Variants in RBFOX1 observed in about 807,000 individuals in gnomAD.
RBFOX1 encodes the protein RNA binding fox-1 homolog 1.
A neutral mutation model predicts 57.7 loss-of-function variants in RBFOX1; 8 were observed. The ratio of observed to expected loss-of-function variants is 0.14; its 90% CI spans 0.08 to 0.25. The LOEUF is 0.25. Among genes scored for constraint, RBFOX1 ranks in the 10% least tolerant of loss-of-function variants. The probability of loss-of-function intolerance (pLI) is 1.00; values close to 1 mark genes in which losing one functional copy is unlikely to be tolerated. For missense variants in RBFOX1, 611 were observed against 548.5 expected (o/e 1.11, Z -1.14); for synonymous variants, 326 against 222.4 (o/e 1.47, Z -4.15).
At chr16:5,574,254 G>A (rs1388844502) in intron 2 of RBFOX1, among the ~76,000 whole-genome samples, 1 of 152,200 alleles carries the variant, frequency 6.6e-6, no homozygotes, top group Non-Finnish European at 1.5e-5. Context: ...GTTTGATGCA[G>A]TGATAATGCT....
At chr16:5,292,135 T>C (rs1383705723) in intron 1 of RBFOX1, among the ~76,000 whole-genome samples, 1 of 152,212 alleles carries the variant, frequency 6.6e-6, no homozygotes, top group Non-Finnish European at 1.5e-5. Flanking sequence ...AGAAAGCATA[T>C]TAAATTAATC....
At chr16:7,174,750 A>G (rs914746949) in intron 4 of RBFOX1, among the ~76,000 whole-genome samples, 1 of 152,244 alleles carries the variant, frequency 6.6e-6, no homozygotes, top group Non-Finnish European at 1.5e-5. Flanking sequence ...ATTGCACTCC[A>G]GACTGGGAGA....
At chr16:7,520,041 A>G (rs1031467127) in intron 5 of RBFOX1, among the ~76,000 whole-genome samples, 4 of 151,936 alleles carry the variant, frequency 2.6e-5, no homozygotes, top group East Asian at 3.9e-4. Flanking sequence ...ACCCGCCACC[A>G]TGTCCGGCTA....
chr16:6,999,458 G>T (rs56754414), intron 3 of RBFOX1, among the ~76,000 whole-genome samples: 31,336 of 149,108 alleles, frequency 0.21, 3,623 homozygotes, highest in Middle Eastern at 0.33. Flanking sequence ...TATTTGAGAC[G>T]GAGTCTTGCT....
chr16:5,531,280 T>C (rs2044468445), intron 2 of RBFOX1, among the ~76,000 whole-genome samples: 1 of 152,056 alleles, frequency 6.6e-6, no homozygotes, highest in African/African-American at 2.4e-5. Flanking sequence ...GGAAGGAGCA[T>C]GTATCTTGCA....
chr16:5,915,058 G>A (rs906129462), intron 4 of RBFOX1, among the ~76,000 whole-genome samples: 5 of 152,194 alleles, frequency 3.3e-5, no homozygotes, highest in African/African-American at 1.2e-4. Context: ...CACCCAAGGG[G>A]AGGGTGTTAC....
At chr16:5,769,554 G>T (rs1015799686) in intron 3 of RBFOX1, among the ~76,000 whole-genome samples, 2 of 152,074 alleles carry the variant, frequency 1.3e-5, no homozygotes, top group African/African-American at 4.8e-5. Context: ...TTGGGAGGCT[G>T]AGGCAAGAGA....
intron 1 of RBFOX1, among the ~76,000 whole-genome samples, chr16:5,256,322 T>G (rs1014297467): frequency 3.9e-5 from 6 of 152,074 alleles, no homozygotes; most frequent in Admixed American, 1.3e-4. Flanking sequence ...AGTCCTTCTG[T>G]CTCCTCTGGC....
At chr16:5,354,893 TTCTTGGAGAGG>T (rs1417800468) in intron 1 of RBFOX1, among the ~76,000 whole-genome samples, 1 of 152,174 alleles carries the variant, frequency 6.6e-6, no homozygotes, top group African/African-American at 2.4e-5. Flanking sequence ...TCCAGTGGCC[TTCTTGGAGAGG>T]TCTTATCTGC....
At chr16:6,736,911 G>T (rs1338443171) in intron 3 of RBFOX1, among the ~76,000 whole-genome samples, 1 of 152,188 alleles carries the variant, frequency 6.6e-6, no homozygotes, top group African/African-American at 2.4e-5. Context: ...GCAGGGAGGA[G>T]TGCTGTGATG....
intron 1 of RBFOX1, among the ~76,000 whole-genome samples, chr16:5,402,035 G>T (rs1339134912): frequency 6.6e-6 from 1 of 152,160 alleles, no homozygotes; most frequent in Admixed American, 6.5e-5. Context: ...CCAGGGTGTG[G>T]GAGAGGAGTG....
intron 2 of RBFOX1, among the ~76,000 whole-genome samples, chr16:6,639,049 C>A (rs1016047853): frequency 2.0e-5 from 3 of 152,198 alleles, no homozygotes; most frequent in African/African-American, 7.2e-5. Flanking sequence ...CCCACCCAGC[C>A]ACCTACAAAG....
chr16:7,330,767 C>G (rs748520612), intron 4 of RBFOX1, among the ~76,000 whole-genome samples: 5 of 152,022 alleles, frequency 3.3e-5, no homozygotes, highest in Non-Finnish European at 5.9e-5. Flanking sequence ...TTTTACAACA[C>G]TAAAGAGACA....
chr16:5,861,780 G>T (rs554927624), intron 3 of RBFOX1, among the ~76,000 whole-genome samples: 44 of 152,286 alleles, frequency 2.9e-4, no homozygotes, highest in South Asian at 2.7e-3. Flanking sequence ...AAAGTGCAAA[G>T]GATGTTGTTG....
rs983462528 is a variant in RBFOX1 at position 7,685,275 on chromosome 16, G to T, written c.995+8437G>T. On this transcript the variant is annotated intron_variant, in intron 14 of 15. Coordinates refer to ENST00000550418, the MANE Select transcript of RBFOX1 (RefSeq NM_018723.4). ...AGAGGATCTATCTTTATAAATTATTGACTTTTATTACCATTGCCTCTCTAC... is the reference window on the plus strand; with the variant it reads ...AGAGGATCTATCTTTATAAATTATTTACTTTTATTACCATTGCCTCTCTAC... Among the ~76,000 whole-genome samples, 8 of 152,070 alleles carry T rather than the reference G, an allele frequency of 5.3e-5. 1 individual carries two copies. Among genetic ancestry groups the T allele is most frequent in the South Asian group, 2.1e-4 (1 of 4,828 alleles).
intron 14 of RBFOX1, among the ~76,000 whole-genome samples, chr16:7,705,471 C>G (rs766162921): frequency 2.0e-5 from 3 of 152,158 alleles, no homozygotes; most frequent in Admixed American, 2.0e-4. Context: ...TGCCACTGCA[C>G]TCCAGCCTTA....
At chr16:5,654,902 T>C (rs2049374832) in intron 3 of RBFOX1, among the ~76,000 whole-genome samples, 1 of 151,994 alleles carries the variant, frequency 6.6e-6, no homozygotes, top group Admixed American at 6.6e-5. Flanking sequence ...AGGGATGAAA[T>C]GCTCTCTTCT....
chr16:5,876,276 A>G (rs1181810277), intron 4 of RBFOX1, among the ~76,000 whole-genome samples: 1 of 143,732 alleles, frequency 7.0e-6, no homozygotes, highest in South Asian at 2.2e-4. Context: ...CGCCTGCCTT[A>G]TCTTATTTAA....
intron 1 of RBFOX1, among the ~76,000 whole-genome samples, chr16:5,421,302 C>A (rs567778633): frequency 4.3e-4 from 66 of 152,134 alleles, no homozygotes; most frequent in Non-Finnish European, 8.1e-4. Flanking sequence ...CCACTGTGCC[C>A]GGCTATCATC....
Sources: gnomAD v4.1 joint callset for allele counts (sites outside exome capture counted in the v4.1 genomes callset) on GRCh38, gnomAD v4.1.1 for gene constraint, MANE v1.5 for transcripts, NCBI Gene and HGNC (gene_info 2026-07-23, HGNC 2026-07-21) for gene names.